Variants in HCN1 observed in about 807,000 individuals in gnomAD.
The protein encoded by HCN1 is hyperpolarization activated cyclic nucleotide gated potassium channel 1.
In HCN1, 13 loss-of-function variants were observed where a neutral mutation model predicts 78.9. The observed-to-expected ratio is 0.16, with a 90% CI of 0.11 to 0.26. The LOEUF is 0.26. Ranked by LOEUF, HCN1 falls within the 10% of genes least tolerant of loss-of-function variation. The pLI is 1.00. For synonymous variants in HCN1, 552 were observed against 455.5 expected (o/e 1.21, Z -2.70); for missense variants, 810 against 1,154.3 (o/e 0.70, Z 4.32).
At chr5:45,334,828 G>T (rs1746421632) in intron 5 of HCN1, among the ~76,000 whole-genome samples, 1 of 151,900 alleles carries the variant, frequency 6.6e-6, no homozygotes, top group Admixed American at 6.6e-5. Flanking sequence ...AAATTTATAA[G>T]ATGCTGGTAT....
intron 4 of HCN1, among the ~76,000 whole-genome samples, chr5:45,371,850 T>A (rs1167638822): frequency 3.2e-5 from 4 of 126,330 alleles, no homozygotes; most frequent in South Asian, 4.5e-4. Flanking sequence ...ATATAAAATA[T>A]ATATAATATA....
intron 2 of HCN1, among the ~76,000 whole-genome samples, chr5:45,555,542 T>C (rs1743452113): frequency 6.6e-6 from 1 of 151,636 alleles, no homozygotes; most frequent in Non-Finnish European, 1.5e-5. Flanking sequence ...AGAAAAAAAT[T>C]CTAAAATTTA....
intron 2 of HCN1, among the ~76,000 whole-genome samples, chr5:45,499,737 T>C (rs914445071): frequency 5.3e-5 from 8 of 152,226 alleles, no homozygotes. Flanking sequence ...GACACTGACA[T>C]ATGTCTATGT....
At chr5:45,494,614 A>C (rs1175084038) in intron 2 of HCN1, among the ~76,000 whole-genome samples, 1 of 151,766 alleles carries the variant, frequency 6.6e-6, no homozygotes, top group Non-Finnish European at 1.5e-5. Context: ...ATTAGATCCC[A>C]TTTGTCAATT....
intron 2 of HCN1, among the ~76,000 whole-genome samples, chr5:45,591,889 T>C (rs972137222): frequency 8.5e-5 from 13 of 152,188 alleles, no homozygotes; most frequent in African/African-American, 3.1e-4. Context: ...GGTTTTCTCC[T>C]ATGTTTTCTT....
At position 45,373,261 on chromosome 5, in the gene HCN1, A is replaced by G. The variant is rs1365896422; in HGVS notation, c.1231-20015T>C. On this transcript the variant is annotated intron_variant, in intron 4 of 7. Coordinates refer to ENST00000303230, the MANE Select transcript of HCN1 (RefSeq NM_021072.4). ...TTATATATAATATATATTTTATATT[A>G]TATATTATATATATTTTATATTATA... Among the ~76,000 whole-genome samples, 5 of 115,490 alleles carry G rather than the reference A, an allele frequency of 4.3e-5. No homozygotes were observed. The East Asian group carries it at 9.2e-4, about 21-fold the overall frequency. The allele number at this position is 115,490 out of a possible 152,430, so 75.8% of individuals were successfully genotyped here.
chr5:45,627,098 C>A (rs1367546588), intron 2 of HCN1, among the ~76,000 whole-genome samples: 1 of 152,080 alleles, frequency 6.6e-6, no homozygotes, highest in Non-Finnish European at 1.5e-5. Context: ...CTCTTAAGGG[C>A]TGATGCCAAA....
chr5:45,262,947 C>G, intron 7 of HCN1, 137 bp from the exon 8 acceptor site: 1 of 845,866 alleles, frequency 1.2e-6, no homozygotes, highest in African/African-American at 1.7e-5. Flanking sequence ...CTCACCTTTA[C>G]ACACCAAATA....
At chr5:45,548,961 G>A (rs1452740311) in intron 2 of HCN1, among the ~76,000 whole-genome samples, 2 of 151,162 alleles carry the variant, frequency 1.3e-5, no homozygotes, top group Non-Finnish European at 2.9e-5. Flanking sequence ...ACCTCTTCAA[G>A]GAGAACTACA....
At chr5:45,394,111 G>A (rs1739638519) in intron 4 of HCN1, among the ~76,000 whole-genome samples, 1 of 152,098 alleles carries the variant, frequency 6.6e-6, no homozygotes, top group African/African-American at 2.4e-5. Flanking sequence ...TTCATTTAAG[G>A]ATCTTTGAAA....
intron 5 of HCN1, among the ~76,000 whole-genome samples, chr5:45,307,472 G>A (rs1368120411): frequency 6.6e-6 from 1 of 152,124 alleles, no homozygotes; most frequent in Non-Finnish European, 1.5e-5. Flanking sequence ...AACATCAACA[G>A]TGCTAAATCA....
At chr5:45,507,441 G>A (rs1428119934) in intron 2 of HCN1, among the ~76,000 whole-genome samples, 1 of 152,134 alleles carries the variant, frequency 6.6e-6, no homozygotes, top group Admixed American at 6.6e-5. Context: ...GCAGCTAAGA[G>A]GACTATGACA....
intron 2 of HCN1, chr5:45,643,434 C>G (rs1266953366): frequency 6.6e-6 from 1 of 152,096 alleles, no homozygotes; most frequent in Non-Finnish European, 1.5e-5. Flanking sequence ...AGGTACTATT[C>G]AACTCTGTTG....
At chr5:45,494,921 A>T (rs1363081375) in intron 2 of HCN1, among the ~76,000 whole-genome samples, 1 of 149,728 alleles carries the variant, frequency 6.7e-6, no homozygotes, top group East Asian at 2.0e-4. Context: ...GATATGTGGC[A>T]TTATTTCTGA....
chr5:45,374,958 T>C (rs1338986181), intron 4 of HCN1, among the ~76,000 whole-genome samples: 1 of 142,728 alleles, frequency 7.0e-6, no homozygotes, highest in Non-Finnish European at 1.5e-5. Context: ...CTATAGTTTG[T>C]CGACAGCAGT....
intron 6 of HCN1, among the ~76,000 whole-genome samples, chr5:45,299,250 C>T (rs1315350823): frequency 6.6e-6 from 1 of 151,900 alleles, no homozygotes; most frequent in African/African-American, 2.4e-5. Context: ...ACAGTTGGTT[C>T]ATTAGTTTTG....
rs188224683 is a variant in HCN1 at position 45,303,498 on chromosome 5, A to T, written c.1618+101T>A. The T allele has an allele frequency of 2.0e-5, 25 of 1,246,446 alleles. No homozygotes were observed. The African/African-American group carries it at 3.6e-4, about 18-fold the overall frequency. The allele number at this position is 1,246,446 out of a possible 1,614,324, so 77.2% of individuals were successfully genotyped here. ...TATCAGAATTCACATACAGGTTTAC[A>T]TTCAAAACCAAAAAACTGACATGCT... On this transcript the variant is annotated intron_variant, in intron 6 of 7. Transcript: ENST00000303230.
intron 2 of HCN1, among the ~76,000 whole-genome samples, chr5:45,477,152 G>A (rs1741535833): frequency 6.6e-6 from 1 of 151,822 alleles, no homozygotes; most frequent in African/African-American, 2.4e-5. Context: ...ACTAACTAAA[G>A]TATTTGTTCC....
chr5:45,374,335 T>TTATA (rs1378456278), intron 4 of HCN1, among the ~76,000 whole-genome samples: 1 of 138,620 alleles, frequency 7.2e-6, no homozygotes, highest in Non-Finnish European at 1.5e-5. Flanking sequence ...ATTATATACA[T>TTATA]TATATATATA....
Sources: gnomAD v4.1 joint callset for allele counts (sites outside exome capture counted in the v4.1 genomes callset) on GRCh38, gnomAD v4.1.1 for gene constraint, MANE v1.5 for transcripts, NCBI Gene and HGNC (gene_info 2026-07-23, HGNC 2026-07-21) for gene names.